Variants in SNAP25 observed in about 807,000 individuals in gnomAD.
SNAP25 encodes the protein synaptosome associated protein 25.
Under a neutral mutation model 28.7 loss-of-function variants are expected in SNAP25, and 3 were observed. The observed-to-expected ratio is 0.10, with a 90% CI of 0.05 to 0.27. SNAP25 has a LOEUF of 0.27. Ranked by LOEUF, SNAP25 falls within the 10% of genes least tolerant of loss-of-function variation. SNAP25 has a pLI of 1.00. For missense variants in SNAP25, 117 were observed against 278.7 expected (o/e 0.42, Z 4.13); for synonymous variants, 61 against 88.1 (o/e 0.69, Z 1.72).
At chr20:10,290,777 C>T (rs1186155237) in intron 4 of SNAP25, among the ~76,000 whole-genome samples, 1 of 152,204 alleles carries the variant, frequency 6.6e-6, no homozygotes, top group African/African-American at 2.4e-5. Context: ...GGGGCAGCAT[C>T]TCTCCTTCTG....
At chr20:10,282,243 A>G (rs2123048583) in intron 3 of SNAP25, among the ~76,000 whole-genome samples, 1 of 152,108 alleles carries the variant, frequency 6.6e-6, no homozygotes, top group South Asian at 2.1e-4. Flanking sequence ...GGAAGGAAGG[A>G]AAGTAAAAAG....
At chr20:10,254,888 T>C (rs894889064) in intron 1 of SNAP25, among the ~76,000 whole-genome samples, 3 of 152,212 alleles carry the variant, frequency 2.0e-5, no homozygotes, top group African/African-American at 4.8e-5. Context: ...CTGTGTCTCA[T>C]TGGCCTCAGG....
intron 1 of SNAP25, among the ~76,000 whole-genome samples, chr20:10,243,200 A>C (rs974513068): frequency 1.3e-5 from 2 of 152,220 alleles, no homozygotes; most frequent in South Asian, 4.1e-4. Flanking sequence ...CTGAATTACA[A>C]TCTCTGGGAA....
intron 1 of SNAP25, among the ~76,000 whole-genome samples, chr20:10,236,953 AAAATACATAAATAAATAAAT>A: frequency 9.0e-6 from 1 of 111,574 alleles, no homozygotes; most frequent in Non-Finnish European, 1.9e-5. Flanking sequence ...CCTCCAAAGG[AAAATACATAAATAAATAAAT>A]AAATAAATAA....
At chr20:10,228,916 CATGCATA>C (rs1287915502) in intron 1 of SNAP25, among the ~76,000 whole-genome samples, 1 of 152,108 alleles carries the variant, frequency 6.6e-6, no homozygotes, top group African/African-American at 2.4e-5. Flanking sequence ...GCTTGATCAG[CATGCATA>C]ATAAAATGGG....
rs2062996688 is a variant in SNAP25, at chr20:10,240,030, G to C, written c.-64+21053G>C. On this transcript the variant is annotated intron_variant, in intron 1 of 7. Transcript: ENST00000254976. ...CACGAGTCTGGGCCCAGCATGGCAG[G>C]GCTCTCTCCTTAGGGTCTCCCAAGG... Among the ~76,000 whole-genome samples the C allele has an allele frequency of 2.6e-5, 4 of 152,170 alleles. No individual in the cohort carries two copies. The South Asian group carries it at 8.3e-4, about 32-fold the overall frequency.
chr20:10,240,851 C>T (rs1010779981), intron 1 of SNAP25, among the ~76,000 whole-genome samples: 1 of 152,194 alleles, frequency 6.6e-6, no homozygotes, highest in Admixed American at 6.5e-5. Flanking sequence ...AGGCAGGGGG[C>T]TCTGGAGCAT....
At chr20:10,281,084 TA>T (rs2063771511) in intron 3 of SNAP25, among the ~76,000 whole-genome samples, 1 of 152,212 alleles carries the variant, frequency 6.6e-6, no homozygotes, top group Admixed American at 6.5e-5. Context: ...AAAATTTTTT[TA>T]AAAATTAAAA....
intron 7 of SNAP25, 93 bp from the exon 8 acceptor site, chr20:10,306,036 T>C (rs2064351432): frequency 8.4e-7 from 1 of 1,194,182 alleles, no homozygotes; most frequent in East Asian, 2.4e-5. Context: ...TTTAAGTGGT[T>C]TCACCCAAGA....
intron 1 of SNAP25, among the ~76,000 whole-genome samples, chr20:10,268,793 C>T (rs1032771460): frequency 2.6e-5 from 4 of 152,142 alleles, no homozygotes; most frequent in Admixed American, 1.3e-4. Context: ...TCAAATTACC[C>T]TTGACACTGA....
intron 5 of SNAP25, among the ~76,000 whole-genome samples, chr20:10,294,919 AT>A (rs1355445636): frequency 1.3e-5 from 2 of 152,076 alleles, no homozygotes; most frequent in African/African-American, 2.4e-5. Flanking sequence ...CAACAGATAC[AT>A]TTTCCCCCCT....
At chr20:10,275,149 C>T (rs773512067) in intron 1 of SNAP25, among the ~76,000 whole-genome samples, 7 of 151,882 alleles carry the variant, frequency 4.6e-5, no homozygotes, top group South Asian at 4.2e-4. Context: ...CAAACCACAT[C>T]CCTCCAACCT....
chr20:10,301,504 T>C (rs2064234855), intron 7 of SNAP25, among the ~76,000 whole-genome samples: 1 of 152,166 alleles, frequency 6.6e-6, no homozygotes, highest in Admixed American at 6.6e-5. Context: ...AACTGCACAA[T>C]TATTAATAGA....
chr20:10,280,504 G>A (rs1159422566), intron 3 of SNAP25, among the ~76,000 whole-genome samples: 1 of 152,204 alleles, frequency 6.6e-6, no homozygotes, highest in African/African-American at 2.4e-5. Flanking sequence ...TATGTAAGTA[G>A]CTCTGCAAAT....
At chr20:10,259,697 C>A (rs997534925) in intron 1 of SNAP25, among the ~76,000 whole-genome samples, 8 of 152,090 alleles carry the variant, frequency 5.3e-5, no homozygotes, top group African/African-American at 1.9e-4. Flanking sequence ...CACTGCCATG[C>A]CAGCTAACTT....
At position 10,278,292 on chromosome 20, in the gene SNAP25, T is replaced by C. The variant is rs748877497; in HGVS notation, c.114+566T>C. Reference sequence around the variant, plus strand: ...AATAATATAAATACAGAAGCTTTTTTATATTCCTGCCTGGATTGAGCATCC... The same window carrying C: ...AATAATATAAATACAGAAGCTTTTTCATATTCCTGCCTGGATTGAGCATCC... On this transcript the variant is annotated intron_variant, in intron 3 of 7. Coordinates refer to ENST00000254976, the MANE Select transcript of SNAP25 (RefSeq NM_130811.4). Among the ~76,000 whole-genome samples the C allele has an allele frequency of 9.1e-4, 138 of 152,322 alleles. 5 individuals carry two copies. The Middle Eastern group carries it at 0.014, about 15-fold the overall frequency.
intron 3 of SNAP25, 137 bp from the exon 4 acceptor site, chr20:10,284,587 G>T: frequency 1.4e-6 from 1 of 710,024 alleles, no homozygotes. Flanking sequence ...CAGGGCTCTT[G>T]TCATACTTTC....
At chr20:10,288,020 G>A (rs1427621159) in intron 4 of SNAP25, among the ~76,000 whole-genome samples, 1 of 151,348 alleles carries the variant, frequency 6.6e-6, no homozygotes, top group Admixed American at 6.6e-5. Flanking sequence ...GGGGTGGGGG[G>A]AGAGGGGAGG....
rs1568597310 is a variant in SNAP25, at chr20:10,260,724, A to ACACACACACACACAAAC, written c.-63-14705_-63-14704insCACACACACACACAAAC. On this transcript the variant is annotated intron_variant, in intron 1 of 7. Transcript: ENST00000254976. Reference sequence around the variant, plus strand: ...ACACACACACACACACACACACACAAACACACACACACACACATCTGCCTT... The same window carrying ACACACACACACACAAAC: ...ACACACACACACACACACACACACAACACACACACACACAAACACACACACACACACACATCTGCCTT... 4.0e-3 allele frequency among the ~76,000 whole-genome samples: 313 copies of ACACACACACACACAAAC among 78,422 alleles called. 2 individuals are homozygous for ACACACACACACACAAAC. Among genetic ancestry groups the ACACACACACACACAAAC allele is most frequent in the African/African-American group, 0.013 (306 of 24,050 alleles). The allele number at this position is 78,422 out of a possible 152,430, so 51.4% of individuals were successfully genotyped here.
Sources: allele counts gnomAD v4.1 joint callset (sites outside exome capture counted in the v4.1 genomes callset), GRCh38; gene constraint gnomAD v4.1.1; transcripts MANE v1.5; gene names NCBI Gene and HGNC (gene_info 2026-07-23, HGNC 2026-07-21).